Variants in DYNC1I1 observed in about 807,000 individuals in gnomAD.
DYNC1I1 encodes the protein dynein cytoplasmic 1 intermediate chain 1, also known as cytoplasmic dynein 1 intermediate chain 1.
In DYNC1I1, 43 loss-of-function variants were observed where a neutral mutation model predicts 86.6. That is an observed-to-expected ratio of 0.50 (90% CI 0.39 to 0.64). The LOEUF is 0.64. DYNC1I1 is among the 30% of genes least tolerant of loss of function. The probability of loss-of-function intolerance (pLI) is 0.00; values close to 1 mark genes in which losing one functional copy is unlikely to be tolerated. For synonymous variants in DYNC1I1, 262 were observed against 283.7 expected, an observed-to-expected ratio of 0.92 and a Z score of 0.77; for missense variants, 604 against 788.8, an observed-to-expected ratio of 0.77 and a Z score of 2.81.
chr7:96,089,753 G>A (rs1274729525), intron 16 of DYNC1I1, among the ~76,000 whole-genome samples: 4 of 152,054 alleles, frequency 2.6e-5, no homozygotes, highest in African/African-American at 7.2e-5. Context: ...TACCTCTTTT[G>A]TGCCCAAACA....
chr7:95,990,919 A>G (rs1234898458), intron 9 of DYNC1I1, among the ~76,000 whole-genome samples: 1 of 152,070 alleles, frequency 6.6e-6, no homozygotes, highest in African/African-American at 2.4e-5. Flanking sequence ...AGCCCCAGCT[A>G]TGTGGGAGGC....
intron 16 of DYNC1I1, among the ~76,000 whole-genome samples, chr7:96,095,448 AATAATATAGCTTT>A (rs1395129695): frequency 1.3e-5 from 2 of 152,138 alleles, no homozygotes; most frequent in Admixed American, 1.3e-4. Context: ...GATTTTAACT[AATAATATAGCTTT>A]ATGTTTGGGA....
In DYNC1I1 at chr7:95,902,911, T is replaced by TA. The variant is rs368941602; in HGVS notation, c.490+32914dup. Among the ~76,000 whole-genome samples, 9 of 152,308 alleles carry TA rather than the reference T, an allele frequency of 5.9e-5. No homozygotes were observed. In the East Asian group the frequency reaches 1.3e-3, roughly 23 times the overall value. On this transcript the variant is annotated intron_variant, in intron 6 of 16. Transcript: ENST00000447467. Reference sequence around the variant, plus strand: ...ATGTGTGAAAACTTTACCCCCATCTTATTCCATGGAGAACAGTATGAAAGC... The same window carrying TA: ...ATGTGTGAAAACTTTACCCCCATCTTAATTCCATGGAGAACAGTATGAAAGC...
intron 14 of DYNC1I1, among the ~76,000 whole-genome samples, chr7:96,042,408 G>C (rs1431683546): frequency 6.6e-6 from 1 of 152,166 alleles, no homozygotes; most frequent in Non-Finnish European, 1.5e-5. Flanking sequence ...CAATTCAATA[G>C]CAATGACATT....
At chr7:95,870,600 G>A (rs1003348022) in intron 6 of DYNC1I1, among the ~76,000 whole-genome samples, 7 of 152,196 alleles carry the variant, frequency 4.6e-5, no homozygotes, top group South Asian at 4.1e-4. Flanking sequence ...AACAACACAC[G>A]AGAGTTTCTG....
intron 1 of DYNC1I1, among the ~76,000 whole-genome samples, chr7:95,775,581 C>T (rs1429624977): frequency 2.0e-5 from 3 of 152,194 alleles, no homozygotes; most frequent in African/African-American, 7.2e-5. Flanking sequence ...CTTAAAGCCA[C>T]AAGTATAGCC....
intron 14 of DYNC1I1, among the ~76,000 whole-genome samples, chr7:96,041,571 T>G (rs2116050553): frequency 6.6e-6 from 1 of 152,272 alleles, no homozygotes; most frequent in South Asian, 2.1e-4. Flanking sequence ...CTCAAAAATC[T>G]CTATCAGTAC....
At chr7:96,082,732 C>T (rs1790562131) in intron 16 of DYNC1I1, among the ~76,000 whole-genome samples, 1 of 152,122 alleles carries the variant, frequency 6.6e-6, no homozygotes, top group Non-Finnish European at 1.5e-5. Flanking sequence ...AGTGATTTTA[C>T]AGCTTTTGGA....
Position 96,097,766 on chromosome 7 carries a change from C to T in DYNC1I1, c.*173C>T. 2 of 1,319,794 alleles carry T rather than the reference C, an allele frequency of 1.5e-6. No homozygotes were observed. The highest frequency in any genetic ancestry group is 1.9e-6 in the Non-Finnish European group (2 of 1,030,644). The allele number at this position is 1,319,794 out of a possible 1,614,324, so 81.8% of individuals were successfully genotyped here. A position where few individuals can be genotyped will look rare whatever the true frequency, so the allele number is the denominator to read the frequency against. ...TTCTAAATGTGTCCCATCATGCTTT[C>T]CACTGACCCAAAATTCACCACAGCA... On this transcript the variant is annotated 3_prime_UTR_variant, in exon 17 of 17. Coordinates refer to ENST00000447467, the MANE Select transcript of DYNC1I1 (RefSeq NM_001135556.2).
intron 6 of DYNC1I1, among the ~76,000 whole-genome samples, chr7:95,938,002 G>A (rs1212287805): frequency 6.6e-6 from 1 of 152,114 alleles, no homozygotes; most frequent in African/African-American, 2.4e-5. Context: ...CCTCCAGTGA[G>A]TGGAGTTTTA....
At chr7:95,969,061 G>C (rs1011383827) in intron 6 of DYNC1I1, among the ~76,000 whole-genome samples, 4 of 152,194 alleles carry the variant, frequency 2.6e-5, no homozygotes, top group Admixed American at 6.5e-5. Context: ...TTGAGAAGTG[G>C]CTGTGCTCTT....
intron 5 of DYNC1I1, among the ~76,000 whole-genome samples, chr7:95,850,741 C>A (rs1922328): frequency 0.51 from 77,666 of 152,054 alleles, 21,898 homozygotes; most frequent in Middle Eastern, 0.65. Flanking sequence ...CACAGATAAA[C>A]GATTCATTCT....
intron 13 of DYNC1I1, among the ~76,000 whole-genome samples, chr7:96,037,940 C>T (rs191550152): frequency 4.6e-5 from 7 of 152,242 alleles, no homozygotes; most frequent in Admixed American, 2.0e-4. Context: ...TTTCACCTAA[C>T]ATAGAGAAGG....
At chr7:95,942,730 A>G (rs1490170271) in intron 6 of DYNC1I1, among the ~76,000 whole-genome samples, 2 of 148,370 alleles carry the variant, frequency 1.3e-5, no homozygotes, top group Non-Finnish European at 3.0e-5. Context: ...ACGCAAATCA[A>G]TAAATGTAAT....
At chr7:95,950,025 A>G (rs1428029910) in intron 6 of DYNC1I1, among the ~76,000 whole-genome samples, 2 of 151,436 alleles carry the variant, frequency 1.3e-5, no homozygotes, top group Non-Finnish European at 2.9e-5. Flanking sequence ...TAACTGGTAT[A>G]TTAGAAATCT....
chr7:95,813,877 T>C (rs1439645049), intron 4 of DYNC1I1, among the ~76,000 whole-genome samples: 1 of 152,180 alleles, frequency 6.6e-6, no homozygotes, highest in African/African-American at 2.4e-5. Context: ...TTTAGTGAGT[T>C]CATTGCCAAA....
chr7:95,795,873 C>T (rs1794423137), intron 1 of DYNC1I1, among the ~76,000 whole-genome samples: 1 of 151,602 alleles, frequency 6.6e-6, no homozygotes, highest in Non-Finnish European at 1.5e-5. Context: ...ACATGTACCC[C>T]TGAACTTAAA....
intron 5 of DYNC1I1, among the ~76,000 whole-genome samples, chr7:95,868,582 A>T (rs1222366587): frequency 6.6e-6 from 1 of 152,042 alleles, no homozygotes; most frequent in Admixed American, 6.5e-5. Context: ...TCCCACAGAG[A>T]CGCATGCACT....
intron 10 of DYNC1I1, among the ~76,000 whole-genome samples, chr7:96,004,674 ACAC>A (rs1169015977): frequency 2.6e-5 from 4 of 151,556 alleles, no homozygotes; most frequent in Admixed American, 2.0e-4. Context: ...ACACACACAC[ACAC>A]AACCAAGACT....
Sources: gnomAD v4.1 joint callset for allele counts (sites outside exome capture counted in the v4.1 genomes callset) on GRCh38, gnomAD v4.1.1 for gene constraint, MANE v1.5 for transcripts, NCBI Gene and HGNC (gene_info 2026-07-23, HGNC 2026-07-21) for gene names.